Variants in DPP6 observed in about 807,000 individuals in gnomAD.
The protein encoded by DPP6 is dipeptidyl peptidase like 6.
Under a neutral mutation model 122.6 loss-of-function variants are expected in DPP6, and 69 were observed. The ratio of observed to expected loss-of-function variants is 0.56; its 90% CI spans 0.46 to 0.69. The LOEUF is 0.69. Among genes scored for constraint, DPP6 ranks in the 30% least tolerant of loss-of-function variants. The pLI, the probability that DPP6 is intolerant of heterozygous loss-of-function variation, is 0.00. For synonymous variants in DPP6, 418 were observed against 433.1 expected (o/e 0.97, Z 0.43); for missense variants, 928 against 1,116.9 (o/e 0.83, Z 2.41).
intron 1 of DPP6, among the ~76,000 whole-genome samples, chr7:154,292,910 G>C (rs1805303901): frequency 6.6e-6 from 1 of 152,132 alleles, no homozygotes; most frequent in Non-Finnish European, 1.5e-5. Flanking sequence ...TTTTAACACT[G>C]ATTTACATAA....
rs1834413701 is a variant in DPP6 at position 154,618,468 on chromosome 7, T to C, written c.628-19353T>C. ...CCCCTTTGTCTTGTTAGACCATTGA[T>C]TTCCTTTAGAAGATCAAAATCAGGG... On this transcript the variant is annotated intron_variant, in intron 5 of 25. Transcript: ENST00000377770. This position sits in a 1 kb window ranked among gnomAD's most constrained non-coding sequence, Gnocchi z 4.1. Among the ~76,000 whole-genome samples, 1 of 152,198 alleles carries C rather than the reference T, an allele frequency of 6.6e-6. No homozygotes were observed. The highest frequency in any genetic ancestry group is 1.5e-5 in the Non-Finnish European group (1 of 68,026).
At chr7:154,344,601 C>T (rs1225723651) in intron 1 of DPP6, among the ~76,000 whole-genome samples, 2 of 152,156 alleles carry the variant, frequency 1.3e-5, no homozygotes, top group Admixed American at 1.3e-4. Flanking sequence ...ATGCTAAGGA[C>T]TCAGGTGCTA....
chr7:154,050,080 C>T (rs774708697), upstream of DPP6, among the ~76,000 whole-genome samples: 120 of 152,158 alleles, frequency 7.9e-4, no homozygotes, highest in Admixed American at 2.0e-3. Context: ...TTCAGACGCT[C>T]GCTCTTTCCT....
upstream of DPP6, among the ~76,000 whole-genome samples, chr7:153,885,290 C>A (rs966049092): frequency 6.6e-6 from 1 of 152,042 alleles, no homozygotes; most frequent in Non-Finnish European, 1.5e-5. Context: ...TAAGTGTTCC[C>A]TTCTTGAGAA....
At chr7:154,567,223 G>T (rs974504386) in intron 5 of DPP6, among the ~76,000 whole-genome samples, 4 of 152,080 alleles carry the variant, frequency 2.6e-5, no homozygotes, top group African/African-American at 9.7e-5. Context: ...TTTTCTGGCT[G>T]TTTTCTCAGT....
At chr7:154,730,006 C>T (rs554402428) in intron 8 of DPP6, among the ~76,000 whole-genome samples, 83 of 152,306 alleles carry the variant, frequency 5.4e-4, no homozygotes, top group African/African-American at 1.8e-3. Context: ...AGGGAAGCTC[C>T]GGAGGGGCTG....
At chr7:154,524,032 G>A (rs142556841) in intron 3 of DPP6, among the ~76,000 whole-genome samples, 75 of 152,262 alleles carry the variant, frequency 4.9e-4, no homozygotes, top group African/African-American at 1.7e-3. Context: ...CTACACTTAC[G>A]AGTTGACAGT....
chr7:153,870,984 T>G, the DPP6 span, among the ~76,000 whole-genome samples: 1 of 152,216 alleles, frequency 6.6e-6, no homozygotes, highest in African/African-American at 2.4e-5. Context: ...GAACCTCAAA[T>G]GCTGCTGCCT....
intron 17 of DPP6, among the ~76,000 whole-genome samples, chr7:154,864,993 G>A (rs963480525): frequency 2.6e-5 from 4 of 152,144 alleles, no homozygotes; most frequent in African/African-American, 4.8e-5. Flanking sequence ...ATTTGAGATC[G>A]CACACTGACG....
chr7:154,465,464 G>T (rs2151326281), intron 2 of DPP6, among the ~76,000 whole-genome samples: 1 of 152,014 alleles, frequency 6.6e-6, no homozygotes, highest in South Asian at 2.1e-4. Flanking sequence ...CTATCCATCT[G>T]ACAAAGGGCT....
chr7:153,863,580 T>C, the DPP6 span, among the ~76,000 whole-genome samples: 7 of 152,184 alleles, frequency 4.6e-5, no homozygotes, highest in African/African-American at 1.7e-4. Flanking sequence ...TCTAAAGAAA[T>C]TTAAATGAAA....
intron 5 of DPP6, among the ~76,000 whole-genome samples, chr7:154,573,604 C>T (rs1057217971): frequency 5.9e-5 from 9 of 152,206 alleles, no homozygotes; most frequent in Non-Finnish European, 1.2e-4. Context: ...AAATAATGGT[C>T]CAGATTGTTT....
chr7:154,368,096 C>G (rs1812337868), intron 1 of DPP6, among the ~76,000 whole-genome samples: 1 of 152,154 alleles, frequency 6.6e-6, no homozygotes, highest in Non-Finnish European at 1.5e-5. Flanking sequence ...GCCACCACAC[C>G]CAGCCGTGAA....
intron 2 of DPP6, among the ~76,000 whole-genome samples, chr7:154,447,296 A>G (rs555033357): frequency 1.3e-5 from 2 of 152,128 alleles, no homozygotes; most frequent in Non-Finnish European, 2.9e-5. Flanking sequence ...ACAGAGCAAG[A>G]CTCCAACTAA....
chr7:154,837,488 T>G (rs1801183573), intron 16 of DPP6, among the ~76,000 whole-genome samples: 1 of 152,236 alleles, frequency 6.6e-6, no homozygotes. Context: ...GGGCTGGAAT[T>G]GAGCGCCCAG....
At chr7:154,715,126 G>A (rs1841409136) in intron 7 of DPP6, among the ~76,000 whole-genome samples, 1 of 152,044 alleles carries the variant, frequency 6.6e-6, no homozygotes, top group Admixed American at 6.6e-5. Context: ...GAGTGCCATG[G>A]CACGGTCTCA....
the DPP6 span, among the ~76,000 whole-genome samples, chr7:153,850,347 C>A: frequency 0.26 from 40,258 of 152,012 alleles, 6,238 homozygotes; most frequent in Admixed American, 0.34. Context: ...GGGGGGTCAC[C>A]TTCTTTCCCA....
At chr7:154,438,049 G>C (rs958923880) in intron 1 of DPP6, among the ~76,000 whole-genome samples, 2 of 152,138 alleles carry the variant, frequency 1.3e-5, no homozygotes, top group Non-Finnish European at 2.9e-5. Flanking sequence ...GCAGACACAG[G>C]AGCATACCCC....
At chr7:154,458,097 C>T (rs1201504699) in intron 2 of DPP6, among the ~76,000 whole-genome samples, 10 of 152,142 alleles carry the variant, frequency 6.6e-5, no homozygotes, top group Non-Finnish European at 1.5e-5. Flanking sequence ...TGGCAGCCCC[C>T]AGAGGCTGGA....
Sources: gnomAD v4.1 joint callset for allele counts (sites outside exome capture counted in the v4.1 genomes callset) on GRCh38, gnomAD v4.1.1 for gene constraint, Gnocchi (gnomAD v3.1) non-coding constraint, MANE v1.5 for transcripts, NCBI Gene and HGNC (gene_info 2026-07-23, HGNC 2026-07-21) for gene names.